GRM8: variants seen among roughly 807,000 people sequenced by gnomAD.
The protein encoded by GRM8 is glutamate metabotropic receptor 8.
In GRM8, 47 loss-of-function variants were observed where a neutral mutation model predicts 87.2. The observed-to-expected ratio is 0.54, with a 90% CI of 0.43 to 0.69. GRM8 has a LOEUF of 0.69. Ranked by LOEUF, GRM8 falls within the 30% of genes least tolerant of loss-of-function variation. GRM8 has a pLI of 0.00. For synonymous variants in GRM8, 396 were observed against 404.5 expected, an observed-to-expected ratio of 0.98 and a Z score of 0.25; for missense variants, 1,019 against 1,139.2, an observed-to-expected ratio of 0.89 and a Z score of 1.52.
intron 10 of GRM8, among the ~76,000 whole-genome samples, chr7:126,444,860 G>A (rs1801836238): frequency 6.6e-6 from 1 of 151,856 alleles, no homozygotes; most frequent in South Asian, 2.1e-4. Flanking sequence ...TGTCCTTAAT[G>A]CCTGACCGGG....
chr7:126,775,425 T>C (rs891488338), intron 6 of GRM8, among the ~76,000 whole-genome samples: 4 of 148,974 alleles, frequency 2.7e-5, no homozygotes, highest in African/African-American at 1.0e-4. Flanking sequence ...ATGAGAACCA[T>C]GCCAAGAACC....
chr7:126,702,032 G>T (rs971405684), intron 7 of GRM8, among the ~76,000 whole-genome samples: 3 of 152,182 alleles, frequency 2.0e-5, no homozygotes, highest in Admixed American at 1.3e-4. Context: ...AGAGACCAAT[G>T]AGTGTCGTTT....
intron 7 of GRM8, among the ~76,000 whole-genome samples, chr7:126,647,550 C>T (rs1204118186): frequency 1.3e-5 from 2 of 152,028 alleles, no homozygotes; most frequent in African/African-American, 2.4e-5. Flanking sequence ...TATTTCATAG[C>T]CATCACAAAT....
intron 6 of GRM8, among the ~76,000 whole-genome samples, chr7:126,791,861 C>T (rs1305704089): frequency 2.0e-5 from 3 of 152,072 alleles, no homozygotes; most frequent in African/African-American, 2.4e-5. Flanking sequence ...ACAGGTTTCT[C>T]GGAAAGATGG....
chr7:127,233,516 A>G (rs1298362555), intron 2 of GRM8, among the ~76,000 whole-genome samples: 1 of 152,228 alleles, frequency 6.6e-6, no homozygotes, highest in Admixed American at 6.5e-5. Context: ...AAATAGTACA[A>G]GCACTAGTCA....
chr7:126,834,980 G>A (rs7808598), intron 6 of GRM8, among the ~76,000 whole-genome samples: 31,027 of 151,422 alleles, frequency 0.2, 3,576 homozygotes, highest in East Asian at 0.5. Context: ...GGAGGCTGAG[G>A]TGGGAGGATT....
intron 2 of GRM8, among the ~76,000 whole-genome samples, chr7:127,227,363 T>C (rs1797403217): frequency 1.3e-5 from 2 of 152,182 alleles, no homozygotes; most frequent in South Asian, 2.1e-4. Flanking sequence ...ATAAATAATA[T>C]CATACACACC....
intron 9 of GRM8, among the ~76,000 whole-genome samples, chr7:126,494,922 G>C (rs1365264298): frequency 2.6e-5 from 4 of 152,016 alleles, no homozygotes; most frequent in African/African-American, 9.7e-5. Flanking sequence ...GACTGCTCGT[G>C]AATATGTTCA....
chr7:126,593,517 AACTG>A (rs1177973939), intron 8 of GRM8, among the ~76,000 whole-genome samples: 2 of 152,060 alleles, frequency 1.3e-5, no homozygotes, highest in East Asian at 3.8e-4. Flanking sequence ...TCTTTTCAAT[AACTG>A]ATGTTGGGAA....
chr7:126,880,861 T>A (rs1323808280), intron 6 of GRM8, among the ~76,000 whole-genome samples: 2 of 152,162 alleles, frequency 1.3e-5, no homozygotes, highest in Non-Finnish European at 2.9e-5. Context: ...AACACAGCTT[T>A]TATCACAGGC....
chr7:126,877,792 A>C (rs1266782296), intron 6 of GRM8, among the ~76,000 whole-genome samples: 1 of 152,148 alleles, frequency 6.6e-6, no homozygotes, highest in African/African-American at 2.4e-5. Context: ...TTGTTCTGTC[A>C]TTATTGGTGC....
intron 9 of GRM8, among the ~76,000 whole-genome samples, chr7:126,493,483 T>G (rs1023052640): frequency 1.3e-5 from 2 of 152,030 alleles, no homozygotes; most frequent in African/African-American, 4.8e-5. Context: ...AATGGAGCAA[T>G]GATCATCTTT....
rs185787219 is a variant in GRM8 at position 127,124,404 on chromosome 7, C to T, written c.511-17692G>A. 6.6e-5 allele frequency among the ~76,000 whole-genome samples: 10 copies of T among 152,270 alleles called. No homozygotes were observed. The East Asian group carries it at 9.6e-4, about 15-fold the overall frequency. Reference sequence around the variant, plus strand: ...AATATTTTCCTTGGCTTCTACAACACGCTCTCTTGGTTTTCTCCTACCCCT... The same window carrying T: ...AATATTTTCCTTGGCTTCTACAACATGCTCTCTTGGTTTTCTCCTACCCCT... On this transcript the variant is annotated intron_variant, in intron 2 of 10. Coordinates refer to ENST00000339582, the MANE Select transcript of GRM8 (RefSeq NM_000845.3).
intron 9 of GRM8, among the ~76,000 whole-genome samples, chr7:126,483,215 T>C (rs1806922944): frequency 6.6e-6 from 1 of 150,654 alleles, no homozygotes; most frequent in African/African-American, 2.4e-5. Context: ...AAAGAGATTT[T>C]ATGGTCTATT....
At chr7:127,235,195 A>G (rs1383317194) in intron 2 of GRM8, among the ~76,000 whole-genome samples, 2 of 152,370 alleles carry the variant, frequency 1.3e-5, no homozygotes, top group East Asian at 3.9e-4. Context: ...CACGCTCTTA[A>G]GATGTCTTCG....
intron 7 of GRM8, among the ~76,000 whole-genome samples, chr7:126,647,126 G>A (rs1392860349): frequency 6.6e-6 from 1 of 152,036 alleles, no homozygotes; most frequent in Admixed American, 6.6e-5. Context: ...GCACAGTGGT[G>A]CATGCGTGCA....
At chr7:126,935,357 G>C (rs1409545058) in intron 3 of GRM8, among the ~76,000 whole-genome samples, 1 of 152,164 alleles carries the variant, frequency 6.6e-6, no homozygotes, top group African/African-American at 2.4e-5. Context: ...CTGAGACCCA[G>C]AACTCCTTAG....
intron 7 of GRM8, among the ~76,000 whole-genome samples, chr7:126,653,581 C>T (rs763128586): frequency 2.0e-5 from 3 of 152,106 alleles, no homozygotes; most frequent in African/African-American, 4.8e-5. Context: ...ACAGAAAATA[C>T]GCTTACTTTA....
At chr7:126,920,439 T>C (rs1366737536) in intron 3 of GRM8, among the ~76,000 whole-genome samples, 1 of 152,002 alleles carries the variant, frequency 6.6e-6, no homozygotes, top group Non-Finnish European at 1.5e-5. Context: ...GAAAAGCAGA[T>C]GATTACCAAG....
Sources: gnomAD v4.1 joint callset for allele counts (sites outside exome capture counted in the v4.1 genomes callset) on GRCh38, gnomAD v4.1.1 for gene constraint, MANE v1.5 for transcripts, NCBI Gene and HGNC (gene_info 2026-07-23, HGNC 2026-07-21) for gene names.